TCF12: variants seen among roughly 807,000 people sequenced by gnomAD.
TCF12 encodes transcription factor 12, also known as DNA-binding protein HTF4.
Under a neutral mutation model 86.0 loss-of-function variants are expected in TCF12, and 45 were observed. That is an observed-to-expected ratio of 0.52 (90% CI 0.41 to 0.67). The LOEUF (loss-of-function observed/expected upper bound fraction) is 0.67. Among genes scored for constraint, TCF12 ranks in the 30% least tolerant of loss-of-function variants. The pLI, the probability that TCF12 is intolerant of heterozygous loss-of-function variation, is 0.00. For missense variants in TCF12, 881 were observed against 859.9 expected, an observed-to-expected ratio of 1.02 and a Z score of -0.31; for synonymous variants, 330 against 299.6, an observed-to-expected ratio of 1.10 and a Z score of -1.05.
chr15:57,083,025 T>C (rs2048408134), intron 4 of TCF12, among the ~76,000 whole-genome samples: 1 of 152,200 alleles, frequency 6.6e-6, no homozygotes, highest in South Asian at 2.1e-4. Context: ...ATCAGTCTTA[T>C]ATATTGAATG....
At chr15:57,048,946 T>C (rs1225547084) in intron 3 of TCF12, among the ~76,000 whole-genome samples, 13 of 152,182 alleles carry the variant, frequency 8.5e-5, no homozygotes, top group Admixed American at 8.5e-4. Context: ...GCTTCCAGCA[T>C]TGAACACTTA....
chr15:56,956,044 A>T (rs28756149), intron 3 of TCF12, among the ~76,000 whole-genome samples: 37,874 of 151,788 alleles, frequency 0.25, 5,487 homozygotes, highest in East Asian at 0.4. Flanking sequence ...TTATATATAC[A>T]CTTCAGGTTT....
At chr15:57,244,106 T>C (rs112979198) in intron 13 of TCF12, among the ~76,000 whole-genome samples, 7,874 of 152,086 alleles carry the variant, frequency 0.052, 586 homozygotes, top group African/African-American at 0.17. Context: ...CTTGAACACC[T>C]GAGCTCAAGC....
chr15:57,087,071 C>CTCTCCCTCTCTCTCCCTCTA (rs2048690789), intron 4 of TCF12, among the ~76,000 whole-genome samples: 1 of 136,614 alleles, frequency 7.3e-6, no homozygotes, highest in African/African-American at 2.6e-5. Context: ...GTCTCCCTCT[C>CTCTCCCTCTCTCTCCCTCTA]TCTCCCTCTG....
intron 3 of TCF12, among the ~76,000 whole-genome samples, chr15:56,984,014 A>AAAAAAAAAAAAGAAG (rs777234282): frequency 2.9e-5 from 3 of 104,444 alleles, no homozygotes; most frequent in African/African-American, 1.4e-4. Context: ...AAAAAAAAAA[A>AAAAAAAAAAAAGAAG]AAGAAGAAGA....
chr15:57,215,096 T>A (rs1164111951), intron 8 of TCF12, among the ~76,000 whole-genome samples: 3 of 152,150 alleles, frequency 2.0e-5, no homozygotes, highest in African/African-American at 7.2e-5. Context: ...AATGTGAGGA[T>A]ATTAGAAAAA....
chr15:57,015,591 T>C (rs2065109099), intron 3 of TCF12, among the ~76,000 whole-genome samples: 1 of 152,172 alleles, frequency 6.6e-6, no homozygotes, highest in Non-Finnish European at 1.5e-5. Context: ...TAGGGCAAAA[T>C]CTCAGGCCCT....
At chr15:56,925,358 CA>C (rs1270889879) in intron 3 of TCF12, among the ~76,000 whole-genome samples, 1 of 150,080 alleles carries the variant, frequency 6.7e-6, no homozygotes, top group Non-Finnish European at 1.5e-5. Context: ...GGCATACCTA[CA>C]ATTACTGTTT....
chr15:57,073,234 A>G (rs1373501020), intron 4 of TCF12, among the ~76,000 whole-genome samples: 1 of 152,146 alleles, frequency 6.6e-6, no homozygotes, highest in Non-Finnish European at 1.5e-5. Flanking sequence ...TTTCTTTTTT[A>G]ATCTTCTAAC....
chr15:57,222,850 T>G (rs1024855055), intron 8 of TCF12, among the ~76,000 whole-genome samples: 1 of 149,988 alleles, frequency 6.7e-6, no homozygotes, highest in Non-Finnish European at 1.5e-5. Flanking sequence ...TCCATTTTTC[T>G]TAGTTTTGGG....
intron 18 of TCF12, among the ~76,000 whole-genome samples, chr15:57,264,624 G>C (rs1262708268): frequency 6.6e-6 from 1 of 152,166 alleles, no homozygotes; most frequent in East Asian, 1.9e-4. Flanking sequence ...ACAAGGTCAA[G>C]ATCATTAATA....
chr15:57,186,285 G>T (rs1328066494), intron 6 of TCF12, among the ~76,000 whole-genome samples: 1 of 152,164 alleles, frequency 6.6e-6, no homozygotes. Context: ...GATCACTTGA[G>T]CCCTGGCGTT....
chr15:56,960,283 G>T (rs1371535725), intron 3 of TCF12, among the ~76,000 whole-genome samples: 1 of 152,074 alleles, frequency 6.6e-6, no homozygotes, highest in African/African-American at 2.4e-5. Flanking sequence ...AGTCATTTTT[G>T]CAGTAAAGTT....
intron 8 of TCF12, among the ~76,000 whole-genome samples, chr15:57,225,406 A>AT (rs1566943857): frequency 6.6e-6 from 1 of 151,002 alleles, no homozygotes; most frequent in African/African-American, 2.4e-5. Context: ...TGCCCGGCTA[A>AT]TTTTTTTTAT....
At chr15:57,084,304 A>G (rs2048490900) in intron 4 of TCF12, among the ~76,000 whole-genome samples, 1 of 152,194 alleles carries the variant, frequency 6.6e-6, no homozygotes, top group Non-Finnish European at 1.5e-5. Flanking sequence ...GGTTGTATAT[A>G]GTATGTGATA....
At chr15:57,245,740 C>G (rs2059827962) in intron 13 of TCF12, among the ~76,000 whole-genome samples, 1 of 152,136 alleles carries the variant, frequency 6.6e-6, no homozygotes. Context: ...GCGATGCTGT[C>G]TTTTTCTCTT....
intron 3 of TCF12, among the ~76,000 whole-genome samples, chr15:56,933,893 ATAT>A (rs1318888405): frequency 6.6e-6 from 1 of 151,838 alleles, no homozygotes; most frequent in African/African-American, 2.4e-5. Context: ...TGTAATTTAC[ATAT>A]TATTTTACAT....
At chr15:57,250,130 G>A (rs752126889) in intron 13 of TCF12, among the ~76,000 whole-genome samples, 2 of 151,930 alleles carry the variant, frequency 1.3e-5, no homozygotes, top group Non-Finnish European at 2.9e-5. Flanking sequence ...CCTAATTAAT[G>A]TATTTGGTAT....
At chr15:56,958,225 G>C (rs1409998578) in intron 3 of TCF12, among the ~76,000 whole-genome samples, 1 of 152,154 alleles carries the variant, frequency 6.6e-6, no homozygotes, top group African/African-American at 2.4e-5. Flanking sequence ...GAGTCTGTCA[G>C]TCTCCCATCT....
Sources: allele counts gnomAD v4.1 joint callset (sites outside exome capture counted in the v4.1 genomes callset), GRCh38; gene constraint gnomAD v4.1.1; transcripts MANE v1.5; gene names NCBI Gene and HGNC (gene_info 2026-07-23, HGNC 2026-07-21).